The following COP1 variants were observed in gnomAD, a reference collection of about 807,000 sequenced individuals.
The protein encoded by COP1 is E3 ubiquitin-protein ligase COP1.
A neutral mutation model predicts 101.3 loss-of-function variants in COP1; 24 were observed. The observed-to-expected ratio is 0.24, with a 90% CI of 0.17 to 0.33. The LOEUF is 0.33. Ranked by LOEUF, COP1 falls within the 10% of genes least tolerant of loss-of-function variation. The pLI is 1.00. For missense variants in COP1, 663 were observed against 906.2 expected, an observed-to-expected ratio of 0.73 and a Z score of 3.45; for synonymous variants, 347 against 341.9, an observed-to-expected ratio of 1.01 and a Z score of -0.17.
chr1:176,075,570 A>G (rs1209955201), intron 11 of COP1, among the ~76,000 whole-genome samples: 1 of 152,202 alleles, frequency 6.6e-6, no homozygotes, highest in African/African-American at 2.4e-5. Context: ...TGGTTTAACA[A>G]TGTCCATTTT....
chr1:176,172,152 T>C (rs1170382899), intron 3 of COP1, among the ~76,000 whole-genome samples: 2 of 152,192 alleles, frequency 1.3e-5, no homozygotes, highest in Non-Finnish European at 2.9e-5. Flanking sequence ...CAGGCTCACA[T>C]GATCCTCTCA....
intron 15 of COP1, among the ~76,000 whole-genome samples, chr1:176,023,938 C>T (rs1173174986): frequency 1.3e-5 from 2 of 152,026 alleles, no homozygotes; most frequent in African/African-American, 2.4e-5. Context: ...TAGCTCTTTG[C>T]TGTCAAAGAC....
intron 6 of COP1, among the ~76,000 whole-genome samples, chr1:176,138,887 A>G (rs948808973): frequency 6.6e-6 from 1 of 152,140 alleles, no homozygotes; most frequent in Non-Finnish European, 1.5e-5. Context: ...AAACACTCCC[A>G]TGGTAATCTC....
chr1:175,993,281 A>G (rs1659145793), intron 15 of COP1, among the ~76,000 whole-genome samples: 1 of 152,230 alleles, frequency 6.6e-6, no homozygotes, highest in South Asian at 2.1e-4. Flanking sequence ...AGATAAAACC[A>G]CAAAGATGGG....
intron 18 of COP1, among the ~76,000 whole-genome samples, chr1:175,980,850 T>C (rs926097065): frequency 2.6e-5 from 4 of 152,116 alleles, no homozygotes; most frequent in African/African-American, 4.8e-5. Context: ...AAAACAATAA[T>C]AGGGTATCTG....
At chr1:176,201,015 G>A (rs900991599) in intron 1 of COP1, among the ~76,000 whole-genome samples, 12 of 152,092 alleles carry the variant, frequency 7.9e-5, no homozygotes, top group Middle Eastern at 3.2e-3. Context: ...TTGGTATACA[G>A]GTTGAATATC....
intron 9 of COP1, among the ~76,000 whole-genome samples, chr1:176,087,823 C>G (rs547960613): frequency 6.6e-6 from 1 of 152,228 alleles, no homozygotes; most frequent in South Asian, 2.1e-4. Context: ...TATTGCAGCA[C>G]TATTCACAAT....
chr1:176,152,995 G>C (rs1036227565), intron 5 of COP1, among the ~76,000 whole-genome samples: 1 of 151,972 alleles, frequency 6.6e-6, no homozygotes, highest in African/African-American at 2.4e-5. Context: ...TCAAATAAGG[G>C]TACAGATATA....
At chr1:176,007,381 T>C (rs954625359) in intron 15 of COP1, among the ~76,000 whole-genome samples, 39 of 152,250 alleles carry the variant, frequency 2.6e-4, no homozygotes, top group African/African-American at 8.7e-4. Context: ...GTTCCGTTGC[T>C]GGTGAGGAAC....
intron 11 of COP1, among the ~76,000 whole-genome samples, chr1:176,061,414 G>A (rs1674815558): frequency 6.6e-6 from 1 of 152,128 alleles, no homozygotes; most frequent in Admixed American, 6.5e-5. Flanking sequence ...ATCACCTGAG[G>A]TCAGGAGTTC....
chr1:176,167,508 A>T (rs1463901146), intron 3 of COP1, among the ~76,000 whole-genome samples: 1 of 152,044 alleles, frequency 6.6e-6, no homozygotes, highest in African/African-American at 2.4e-5. Flanking sequence ...ACACTTTCAC[A>T]TTTCCAATTA....
rs544468732 is a variant in COP1 at position 176,111,531 on chromosome 1, G to A, written c.1026+5093C>T. Among the ~76,000 whole-genome samples, 49 of 152,232 alleles carry A rather than the reference G, an allele frequency of 3.2e-4. 1 individual carries two copies. The highest frequency in any genetic ancestry group is 2.1e-4 in the South Asian group (1 of 4,820). On this transcript the variant is annotated intron_variant, in intron 9 of 19. Transcript: ENST00000367669. ...GATGGTTTCGATCTCTTGACCTTGC[G>A]ATCCACCTGCCTTGGCCTCCCAAAG...
At chr1:175,986,879 A>G in intron 18 of COP1, 64 bp downstream of exon 18, 1 of 1,233,398 alleles carries the variant, frequency 8.1e-7, no homozygotes, top group Non-Finnish European at 1.1e-6. Flanking sequence ...ATTTAATCAA[A>G]CCCTGTGTAT....
At chr1:176,155,767 G>A (rs1025445604) in intron 5 of COP1, among the ~76,000 whole-genome samples, 1 of 152,046 alleles carries the variant, frequency 6.6e-6, no homozygotes, top group African/African-American at 2.4e-5. Context: ...AGCAGTTAGA[G>A]AGAAAAACGA....
intron 10 of COP1, 114 bp downstream of exon 10, chr1:176,085,662 C>T: frequency 3.8e-6 from 2 of 521,372 alleles, no homozygotes; most frequent in East Asian, 5.5e-5. Flanking sequence ...TAGACTATGT[C>T]AAAAATACAT....
At chr1:176,186,531 C>A (rs149938496) in intron 1 of COP1, among the ~76,000 whole-genome samples, 48 of 151,942 alleles carry the variant, frequency 3.2e-4, no homozygotes, top group Middle Eastern at 6.8e-3. Context: ...CAGAGCAAGA[C>A]CCTATCTCAA....
chr1:176,188,287 A>G (rs1204241369), intron 1 of COP1, among the ~76,000 whole-genome samples: 1 of 152,182 alleles, frequency 6.6e-6, no homozygotes, highest in Admixed American at 6.6e-5. Context: ...AGAATAAAGA[A>G]AGAAGGGCTG....
At position 176,203,273 on chromosome 1, in the gene COP1, C is replaced by G. The variant is rs370415438; in HGVS notation, c.407+3299G>C. Among the ~76,000 whole-genome samples the G allele has an allele frequency of 5.9e-5, 9 of 152,082 alleles. No individual in the cohort carries two copies. The East Asian group carries it at 1.7e-3, about 29-fold the overall frequency. ...AATGGCGTGAACCCGGGAGGCGGAGCTTGCAGTGAGCCGAGATCGCACCAC... is the reference window on the plus strand; with the variant it reads ...AATGGCGTGAACCCGGGAGGCGGAGGTTGCAGTGAGCCGAGATCGCACCAC... On this transcript the variant is annotated intron_variant, in intron 1 of 19. Coordinates refer to ENST00000367669, the MANE Select transcript of COP1 (RefSeq NM_022457.7).
At chr1:176,035,710 C>CAAAAA (rs71129541) in intron 14 of COP1, among the ~76,000 whole-genome samples, 7 of 73,092 alleles carry the variant, frequency 9.6e-5, no homozygotes, top group Admixed American at 3.0e-4. Flanking sequence ...AAAACGAGAC[C>CAAAAA]AAAAAAAAAA....
Sources: allele counts gnomAD v4.1 joint callset (sites outside exome capture counted in the v4.1 genomes callset), GRCh38; gene constraint gnomAD v4.1.1; transcripts MANE v1.5; gene names NCBI Gene and HGNC (gene_info 2026-07-23, HGNC 2026-07-21).